Variants in ARAP2 observed in about 807,000 individuals in gnomAD.
ARAP2 encodes the protein arf-GAP with Rho-GAP domain, ANK repeat and PH domain-containing protein 2.
A neutral mutation model predicts 194.5 loss-of-function variants in ARAP2; 148 were observed. That is an observed-to-expected ratio of 0.76 (90% CI 0.67 to 0.87). ARAP2 has a LOEUF of 0.87. Among genes scored for constraint, ARAP2 ranks in the 40% least tolerant of loss-of-function variants. ARAP2 has a pLI of 0.00. For synonymous variants in ARAP2, 695 were observed against 683.5 expected, an observed-to-expected ratio of 1.02 and a Z score of -0.26; for missense variants, 2,128 against 1,989.7, an observed-to-expected ratio of 1.07 and a Z score of -1.32.
intron 8 of ARAP2, among the ~76,000 whole-genome samples, chr4:36,184,297 G>T (rs1038348264): frequency 6.9e-6 from 1 of 143,964 alleles, no homozygotes; most frequent in African/African-American, 2.5e-5. Flanking sequence ...ATATATATAC[G>T]TACACACACC....
chr4:36,199,859 ACT>A (rs1444011712), intron 6 of ARAP2, among the ~76,000 whole-genome samples: 1 of 152,024 alleles, frequency 6.6e-6, no homozygotes, highest in Non-Finnish European at 1.5e-5. Context: ...ACAAAAACAA[ACT>A]CTGTTAGGTG....
chr4:36,018,728 A>G (rs1290461440), intron 6 of ARAP2, among the ~76,000 whole-genome samples: 1 of 152,242 alleles, frequency 6.6e-6, no homozygotes, highest in Non-Finnish European at 1.5e-5. Flanking sequence ...GGCCATATTT[A>G]TCAATCTCCT....
chr4:36,065,294 C>G (rs1725215723), downstream of ARAP2: 1 of 474,494 alleles, frequency 2.1e-6, no homozygotes, highest in African/African-American at 2.0e-5. Context: ...TCACCCTTGA[C>G]CTCATGGCTG....
At chr4:36,193,037 TC>T (rs1278968037) in intron 7 of ARAP2, among the ~76,000 whole-genome samples, 1 of 152,120 alleles carries the variant, frequency 6.6e-6, no homozygotes. Context: ...AAAATATTCA[TC>T]CAACCATCTT....
intron 29 of ARAP2, 50 bp downstream of exon 29, chr4:36,083,318 A>G (rs746797479): frequency 2.3e-6 from 3 of 1,318,416 alleles, no homozygotes; most frequent in Admixed American, 2.0e-5. Context: ...TTAAATAGAC[A>G]TATTTTTCCC....
chr4:36,107,629 T>C lies in ARAP2; in HGVS notation c.4221A>G (p.Glu1407=). 1 of 1,611,046 alleles carries C rather than the reference T, an allele frequency of 6.2e-7. No homozygotes were observed. The highest frequency in any genetic ancestry group is 8.5e-7 in the Non-Finnish European group (1 of 1,178,172). The change falls in exon 27 of 33, where the codon GAA becomes GAG. Residue 1407 remains glutamate (E), a synonymous_variant. Transcript: ENST00000303965. ...EQVLRWSSLA[E]PGSAYLVVKR... ...TCACCACCAGGTAAGCAGAGCCAGG[T>C]TCAGCTAATGAACTCCACCGAAGCA...
intron 24 of ARAP2, among the ~76,000 whole-genome samples, chr4:36,118,085 G>A (rs1721804273): frequency 6.6e-6 from 1 of 151,030 alleles, no homozygotes. Context: ...AATTTTGTGG[G>A]GAAAACATTA....
At chr4:36,090,052 C>T (rs1713150251) in intron 28 of ARAP2, among the ~76,000 whole-genome samples, 1 of 151,784 alleles carries the variant, frequency 6.6e-6, no homozygotes, top group East Asian at 1.9e-4. Context: ...TTGATAAACA[C>T]AATCAGAAAC....
At chr4:36,082,215 T>C (rs778505504) in intron 30 of ARAP2, 36 bp downstream of exon 30, 13 of 1,581,808 alleles carry the variant, frequency 8.2e-6, no homozygotes, top group Non-Finnish European at 1.1e-5. Flanking sequence ...TTGTCACCAA[T>C]ATATTATGTC....
chr4:36,132,235 GT>G (rs1341093496), intron 20 of ARAP2, among the ~76,000 whole-genome samples: 1 of 151,674 alleles, frequency 6.6e-6, no homozygotes, highest in Non-Finnish European at 1.5e-5. Flanking sequence ...GTTTCTAAGA[GT>G]GAGACCAGTG....
chr4:36,201,031 T>C (rs976127111), intron 6 of ARAP2, among the ~76,000 whole-genome samples: 8 of 152,182 alleles, frequency 5.3e-5, no homozygotes, highest in Non-Finnish European at 1.0e-4. Context: ...GAAAATAGAT[T>C]TAAAGTTGCA....
chr4:36,158,934 G>A (rs1166171207), intron 14 of ARAP2, 70 bp from the exon 15 acceptor site: 6 of 1,370,650 alleles, frequency 4.4e-6, no homozygotes, highest in Non-Finnish European at 4.9e-6. Context: ...TTTATAATAT[G>A]TACATGAGTT....
At chr4:36,235,209 C>A (rs906459528) in intron 1 of ARAP2, among the ~76,000 whole-genome samples, 3 of 152,210 alleles carry the variant, frequency 2.0e-5, no homozygotes, top group African/African-American at 7.2e-5. Flanking sequence ...CTGAACCCCT[C>A]TCCCCCACAC....
chr4:36,227,633 G>A lies in ARAP2; in HGVS notation c.905+949C>T, dbSNP rs370174093. On this transcript the variant is annotated intron_variant, in intron 2 of 32. Coordinates refer to ENST00000303965, the MANE Select transcript of ARAP2 (RefSeq NM_015230.4). ...GGGAGTAGCAGGAAAAGCAGGCATGGGGGGAAAGAGGAATCCTGCTGAAAC... is the reference window on the plus strand; with the variant it reads ...GGGAGTAGCAGGAAAAGCAGGCATGAGGGGAAAGAGGAATCCTGCTGAAAC... Among the ~76,000 whole-genome samples, 12 of 152,278 alleles carry A rather than the reference G, an allele frequency of 7.9e-5. No homozygotes were observed. In the South Asian group the frequency reaches 2.5e-3, roughly 32 times the overall value.
chr4:36,123,060 T>C (rs565245966), intron 22 of ARAP2, among the ~76,000 whole-genome samples: 20 of 151,824 alleles, frequency 1.3e-4, no homozygotes, highest in Non-Finnish European at 2.7e-4. Flanking sequence ...TCACACGTGA[T>C]TTACAACATG....
intron 19 of ARAP2, among the ~76,000 whole-genome samples, chr4:36,145,668 T>C (rs1729463783): frequency 6.6e-6 from 1 of 151,954 alleles, no homozygotes; most frequent in East Asian, 1.9e-4. Flanking sequence ...TGTAGATATG[T>C]GCCCCTTGAA....
Position 36,136,095 on chromosome 4 carries a change from T to C in ARAP2, c.3264-2706A>G, listed in dbSNP as rs191542769. Among the ~76,000 whole-genome samples the C allele has an allele frequency of 1.8e-4, 27 of 151,968 alleles. 1 individual carries two copies. The East Asian group carries it at 3.9e-3, about 22-fold the overall frequency. On this transcript the variant is annotated intron_variant, in intron 19 of 32. Coordinates refer to ENST00000303965, the MANE Select transcript of ARAP2 (RefSeq NM_015230.4). ...GTGCAATAGATGGTTTGACATTTAA[T>C]AGCATTGGTGCACTAACTTTCCTCT...
intron 27 of ARAP2, among the ~76,000 whole-genome samples, chr4:36,100,218 A>T (rs1471323100): frequency 6.6e-6 from 1 of 152,070 alleles, no homozygotes; most frequent in East Asian, 1.9e-4. Context: ...AATGTAAGTA[A>T]AGCATTTAGC....
intron 8 of ARAP2, 68 bp downstream of exon 8, chr4:36,187,383 C>T (rs1347762872): frequency 1.1e-6 from 1 of 890,940 alleles, no homozygotes; most frequent in Non-Finnish European, 1.6e-6. Flanking sequence ...CATTCCTAGT[C>T]TAACTGGTTT....
Sources: allele counts gnomAD v4.1 joint callset (sites outside exome capture counted in the v4.1 genomes callset), GRCh38; gene constraint gnomAD v4.1.1; transcripts MANE v1.5; gene names NCBI Gene and HGNC (gene_info 2026-07-23, HGNC 2026-07-21).